ARID4B: variants seen among roughly 807,000 people sequenced by gnomAD.
The protein encoded by ARID4B is AT-rich interaction domain 4B, also known as AT-rich interactive domain-containing protein 4B.
In ARID4B, 26 loss-of-function variants were observed where a neutral mutation model predicts 147.5. The observed-to-expected ratio is 0.18, with a 90% CI of 0.13 to 0.24. The LOEUF (loss-of-function observed/expected upper bound fraction) is 0.24. Among genes scored for constraint, ARID4B ranks in the 10% least tolerant of loss-of-function variants. The pLI is 1.00. For synonymous variants in ARID4B, 512 were observed against 507.9 expected (o/e 1.01, Z -0.11); for missense variants, 1,179 against 1,511.5 (o/e 0.78, Z 3.65).
At position 235,170,461 on chromosome 1, in the gene ARID4B, G is replaced by A. The variant is rs114349541; in HGVS notation, c.3812-1809C>T. The stretch of plus-strand genomic sequence containing the variant: ...ACCTTTAAAAACATAAGTGGAGGCC[G>A]GGCACGGTGGCTCACACCTGTAATC... On this transcript the variant is annotated intron_variant, in intron 23 of 23. Coordinates refer to ENST00000264183, the MANE Select transcript of ARID4B (RefSeq NM_016374.6). 6.2e-3 allele frequency among the ~76,000 whole-genome samples: 941 copies of A among 152,176 alleles called. 4 individuals are homozygous for A. The highest frequency in any genetic ancestry group is 0.01 in the Middle Eastern group (3 of 294).
intron 21 of ARID4B, among the ~76,000 whole-genome samples, chr1:235,176,057 T>C (rs1663843911): frequency 2.6e-5 from 4 of 152,202 alleles, no homozygotes; most frequent in Admixed American, 2.6e-4. Context: ...CTTGACAGCT[T>C]ACCATGTGAA....
chr1:235,167,931 C>T lies in ARID4B; in HGVS notation c.*594G>A. On this transcript the variant is annotated 3_prime_UTR_variant, in exon 24 of 24. Coordinates refer to ENST00000264183, the MANE Select transcript of ARID4B (RefSeq NM_016374.6). ...CAAGACCTTTTAGCCTAATTCAAAC[C>T]TGTAAACATGTTCAGTCTTTTTTAA... The T allele has an allele frequency of 5.1e-6, 1 of 196,866 alleles. No individual in the cohort carries two copies. The highest frequency in any genetic ancestry group is 8.0e-5 in the East Asian group (1 of 12,446). 12.2% of individuals were successfully genotyped at this position (196,866 alleles called of 1,614,324 possible).
rs1002247107 is a variant in ARID4B, at chr1:235,168,225, T to G, written c.*300A>C. The stretch of plus-strand genomic sequence containing the variant: ...CATGTTCTGACCCACCCCTTAACTA[T>G]GCTTACTGTATTGTCTCTACAGGCA... On this transcript the variant is annotated 3_prime_UTR_variant, in exon 24 of 24. Transcript: ENST00000264183. 3 of 279,992 alleles carry G rather than the reference T, an allele frequency of 1.1e-5. No individual in the cohort carries two copies. The highest frequency in any genetic ancestry group is 2.2e-5 in the African/African-American group (1 of 46,228). 17.3% of individuals were successfully genotyped at this position (279,992 alleles called of 1,614,324 possible). A position where few individuals can be genotyped will look rare whatever the true frequency, so the allele number is the denominator to read the frequency against.
chr1:235,294,399 G>A (rs1428885754), intron 2 of ARID4B, among the ~76,000 whole-genome samples: 3 of 120,280 alleles, frequency 2.5e-5, no homozygotes, highest in Non-Finnish European at 3.3e-5. Context: ...TGCAACCTCC[G>A]CCTCCCGGGT....
intron 8 of ARID4B, among the ~76,000 whole-genome samples, chr1:235,237,470 C>T (rs1668680843): frequency 6.6e-6 from 1 of 152,158 alleles, no homozygotes. Flanking sequence ...TAATTGTCCT[C>T]ATTTTTCACT....
At chr1:235,254,047 A>T (rs1031513112) in intron 5 of ARID4B, among the ~76,000 whole-genome samples, 1 of 152,230 alleles carries the variant, frequency 6.6e-6, no homozygotes, top group African/African-American at 2.4e-5. Context: ...TAAATGATGT[A>T]ACTAAAATAT....
intron 6 of ARID4B, among the ~76,000 whole-genome samples, chr1:235,247,778 C>G (rs1470508150): frequency 6.6e-6 from 1 of 152,066 alleles, no homozygotes; most frequent in Admixed American, 6.5e-5. Flanking sequence ...TACCTGAGAT[C>G]GGGAGTTGGA....
At chr1:235,253,774 G>A (rs1396450469) in intron 5 of ARID4B, among the ~76,000 whole-genome samples, 3 of 151,982 alleles carry the variant, frequency 2.0e-5, no homozygotes, top group African/African-American at 7.3e-5. Flanking sequence ...AGAAATCATG[G>A]GAAGACAGTA....
At chr1:235,320,124 T>TAA (rs369901272) in intron 2 of ARID4B, among the ~76,000 whole-genome samples, 60 of 135,550 alleles carry the variant, frequency 4.4e-4, no homozygotes, top group African/African-American at 1.2e-3. Context: ...AAACTCCGTC[T>TAA]AAAAAAAAAA....
intron 2 of ARID4B, among the ~76,000 whole-genome samples, chr1:235,308,597 G>A (rs1036280908): frequency 2.0e-5 from 3 of 152,076 alleles, no homozygotes; most frequent in Non-Finnish European, 2.9e-5. Flanking sequence ...GCCTCAGCCT[G>A]CCGAGTGCCC....
intron 2 of ARID4B, among the ~76,000 whole-genome samples, chr1:235,278,778 T>A (rs570899794): frequency 6.6e-6 from 1 of 152,202 alleles, no homozygotes; most frequent in Admixed American, 6.5e-5. Flanking sequence ...CCTACCACTT[T>A]TGGCACACTG....
chr1:235,266,093 G>A (rs1670591362), intron 2 of ARID4B, among the ~76,000 whole-genome samples: 1 of 152,172 alleles, frequency 6.6e-6, no homozygotes, highest in African/African-American at 2.4e-5. Flanking sequence ...ATCCAGACAT[G>A]AAGTAATCAT....
chr1:235,239,342 T>G (rs1668834410), intron 8 of ARID4B, among the ~76,000 whole-genome samples: 1 of 152,186 alleles, frequency 6.6e-6, no homozygotes, highest in South Asian at 2.1e-4. Context: ...CTTAAGTGAT[T>G]TATCCAATTA....
chr1:235,269,484 G>A (rs924639984), intron 2 of ARID4B, among the ~76,000 whole-genome samples: 5 of 152,168 alleles, frequency 3.3e-5, no homozygotes, highest in South Asian at 4.1e-4. Context: ...TAGACAGACC[G>A]AAGTTGAAGT....
intron 6 of ARID4B, among the ~76,000 whole-genome samples, chr1:235,249,949 A>T (rs1267668313): frequency 6.6e-6 from 1 of 150,416 alleles, no homozygotes; most frequent in Non-Finnish European, 1.5e-5. Context: ...AAAAAAAAAA[A>T]AAAAAAAATT....
intron 5 of ARID4B, among the ~76,000 whole-genome samples, chr1:235,253,804 T>C (rs1051294044): frequency 2.6e-5 from 4 of 152,166 alleles, no homozygotes; most frequent in African/African-American, 9.7e-5. Flanking sequence ...TAAATAATGT[T>C]ACCAGATCTC....
At chr1:235,271,497 G>A (rs1670983991) in intron 2 of ARID4B, among the ~76,000 whole-genome samples, 1 of 151,918 alleles carries the variant, frequency 6.6e-6, no homozygotes, top group South Asian at 2.1e-4. Context: ...AGGCATGGTG[G>A]TAGGCACCTG....
intron 10 of ARID4B, among the ~76,000 whole-genome samples, chr1:235,230,135 A>G (rs896331020): frequency 6.6e-6 from 1 of 152,004 alleles, no homozygotes; most frequent in African/African-American, 2.4e-5. Flanking sequence ...TTGATTCCTC[A>G]GTCAGGCGTG....
At chr1:235,201,152 A>T (rs1571960335) in intron 17 of ARID4B, among the ~76,000 whole-genome samples, 1 of 152,122 alleles carries the variant, frequency 6.6e-6, no homozygotes, top group Non-Finnish European at 1.5e-5. Context: ...CTCCAAAAAA[A>T]ATAAAATAAA....
Sources: allele counts gnomAD v4.1 joint callset (sites outside exome capture counted in the v4.1 genomes callset), GRCh38; gene constraint gnomAD v4.1.1; transcripts MANE v1.5; gene names NCBI Gene and HGNC (gene_info 2026-07-23, HGNC 2026-07-21).